The following ZNF804A variants were observed in gnomAD, a reference collection of about 807,000 sequenced individuals.
The protein encoded by ZNF804A is zinc finger protein 804A.
A neutral mutation model predicts 16.5 loss-of-function variants in ZNF804A; 2 were observed. The ratio of observed to expected loss-of-function variants is 0.12; its 90% CI spans 0.05 to 0.38. ZNF804A has a LOEUF of 0.38. Ranked by LOEUF, ZNF804A falls within the 10% of genes least tolerant of loss-of-function variation. ZNF804A has a pLI of 0.99. For synonymous variants in ZNF804A, 534 were observed against 489.6 expected, an observed-to-expected ratio of 1.09 and a Z score of -1.20; for missense variants, 1,473 against 1,390.7, an observed-to-expected ratio of 1.06 and a Z score of -0.94.
At chr2:184,765,016 T>A (rs1458935620) in intron 1 of ZNF804A, among the ~76,000 whole-genome samples, 1 of 152,224 alleles carries the variant, frequency 6.6e-6, no homozygotes, top group East Asian at 1.9e-4. Context: ...GTCTGTGAAT[T>A]CAATTTTATG....
chr2:184,742,622 C>T (rs1045310149), intron 1 of ZNF804A, among the ~76,000 whole-genome samples: 6 of 151,602 alleles, frequency 4.0e-5, no homozygotes, highest in African/African-American at 9.7e-5. Context: ...ATTTAACTGC[C>T]TCAGAACGTG....
Position 184,937,489 on chromosome 2 carries a change from T to C in ZNF804A, c.2093T>C (p.Ile698Thr), listed in dbSNP as rs1244696668. Residue 698 changes from isoleucine (I) to threonine (T), a missense_variant, in exon 4 of 4, where the codon ATA becomes ACA. Coordinates refer to ENST00000302277, the MANE Select transcript of ZNF804A (RefSeq NM_194250.2). Reference protein sequence around the residue: ...SSKNHCKKNTILLNGQSNATM... With the variant: ...SSKNHCKKNTTLLNGQSNATM... ...AAAAACCACTGTAAAAAGAACACAA[T>C]ACTTTTAAATGGACAATCAAATGCA... The C allele has an allele frequency of 6.3e-7, 1 of 1,597,398 alleles. No homozygotes were observed.
chr2:184,808,043 A>G (rs569099423), intron 1 of ZNF804A, among the ~76,000 whole-genome samples: 4 of 151,754 alleles, frequency 2.6e-5, no homozygotes, highest in Non-Finnish European at 4.4e-5. Flanking sequence ...TTAGCAACAA[A>G]AAGGTAATAT....
intron 1 of ZNF804A, among the ~76,000 whole-genome samples, chr2:184,604,881 C>G (rs1436737153): frequency 6.6e-6 from 1 of 152,086 alleles, no homozygotes; most frequent in Admixed American, 6.6e-5. Flanking sequence ...GGATCTCTAT[C>G]ATAATAAGAA....
At chr2:184,716,453 T>C (rs1022491963) in intron 1 of ZNF804A, among the ~76,000 whole-genome samples, 8 of 152,096 alleles carry the variant, frequency 5.3e-5, no homozygotes, top group African/African-American at 1.7e-4. Context: ...AAAATTGCAA[T>C]TGGCGAAAAG....
chr2:184,859,364 G>T (rs933111772), intron 1 of ZNF804A, among the ~76,000 whole-genome samples: 1 of 151,438 alleles, frequency 6.6e-6, no homozygotes, highest in African/African-American at 2.4e-5. Flanking sequence ...TTTCTTTGTT[G>T]TGGTAAATTC....
chr2:184,729,413 G>A (rs1178808405), intron 1 of ZNF804A, among the ~76,000 whole-genome samples: 1 of 151,774 alleles, frequency 6.6e-6, no homozygotes, highest in African/African-American at 2.4e-5. Flanking sequence ...ATGAGTATAT[G>A]CCAACAGTGA....
chr2:184,604,395 G>T (rs1367962572), intron 1 of ZNF804A, among the ~76,000 whole-genome samples: 1 of 151,528 alleles, frequency 6.6e-6, no homozygotes, highest in Non-Finnish European at 1.5e-5. Flanking sequence ...GGATGGTCTC[G>T]ATCTCCTGAC....
intron 1 of ZNF804A, among the ~76,000 whole-genome samples, chr2:184,766,476 G>A (rs2105766163): frequency 6.6e-6 from 1 of 151,952 alleles, no homozygotes; most frequent in East Asian, 1.9e-4. Context: ...ATATTAAAGA[G>A]TCTAATTGAG....
At chr2:184,736,858 CTTT>C (rs1013724436) in intron 1 of ZNF804A, among the ~76,000 whole-genome samples, 14 of 131,164 alleles carry the variant, frequency 1.1e-4, no homozygotes, top group African/African-American at 3.8e-4. Flanking sequence ...CGTATTTCTT[CTTT>C]TTTTTTTTTT....
chr2:184,818,398 C>G (rs566524577), intron 1 of ZNF804A, among the ~76,000 whole-genome samples: 1 of 151,892 alleles, frequency 6.6e-6, no homozygotes, highest in African/African-American at 2.4e-5. Context: ...TGCAAGAGCT[C>G]CTGAAGGAAG....
At chr2:184,887,167 T>C (rs1248801569) in intron 2 of ZNF804A, among the ~76,000 whole-genome samples, 1 of 152,218 alleles carries the variant, frequency 6.6e-6, no homozygotes, top group Non-Finnish European at 1.5e-5. Context: ...AAGTTCAAAG[T>C]TCCACAAATC....
chr2:184,610,296 A>G (rs1691215510), intron 1 of ZNF804A, among the ~76,000 whole-genome samples: 1 of 152,190 alleles, frequency 6.6e-6, no homozygotes, highest in Admixed American at 6.5e-5. Context: ...ATCCAGTGTC[A>G]AGTATTCTTT....
chr2:184,739,834 T>G (rs1395054856), intron 1 of ZNF804A, among the ~76,000 whole-genome samples: 2 of 152,232 alleles, frequency 1.3e-5, no homozygotes, highest in African/African-American at 2.4e-5. Context: ...TCTGCCTGTA[T>G]GCCTTAGCTG....
At chr2:184,928,273 T>C (rs1028099593) in intron 2 of ZNF804A, among the ~76,000 whole-genome samples, 1 of 152,146 alleles carries the variant, frequency 6.6e-6, no homozygotes, top group African/African-American at 2.4e-5. Flanking sequence ...AGAAATGTTT[T>C]CCTGAAGCTG....
intron 1 of ZNF804A, among the ~76,000 whole-genome samples, chr2:184,670,533 T>G (rs1396325235): frequency 6.6e-6 from 1 of 152,124 alleles, no homozygotes; most frequent in African/African-American, 2.4e-5. Context: ...CCTATTTGAC[T>G]GTGATGTTCT....
intron 1 of ZNF804A, among the ~76,000 whole-genome samples, chr2:184,659,097 A>G (rs1490901939): frequency 1.3e-5 from 2 of 152,170 alleles, no homozygotes; most frequent in Non-Finnish European, 2.9e-5. Context: ...CTAAGAATAA[A>G]TAGCTTAGGA....
At chr2:184,855,440 C>G (rs1279719810) in intron 1 of ZNF804A, among the ~76,000 whole-genome samples, 1 of 151,970 alleles carries the variant, frequency 6.6e-6, no homozygotes. Flanking sequence ...GAAAATTTTT[C>G]TTCTCCTCCT....
chr2:184,787,422 A>T (rs1694465571), intron 1 of ZNF804A, among the ~76,000 whole-genome samples: 1 of 151,762 alleles, frequency 6.6e-6, no homozygotes, highest in Admixed American at 6.6e-5. Flanking sequence ...GTTGTTTGAG[A>T]TACCTCCATA....
Sources: gnomAD v4.1 joint callset for allele counts (sites outside exome capture counted in the v4.1 genomes callset) on GRCh38, gnomAD v4.1.1 for gene constraint, MANE v1.5 for transcripts, NCBI Gene and HGNC (gene_info 2026-07-23, HGNC 2026-07-21) for gene names.